NIBAN1: variants seen among roughly 807,000 people sequenced by gnomAD.
NIBAN1 encodes protein Niban 1.
NIBAN1 carries 81 observed loss-of-function variants against 75.1 expected under a neutral mutation model. The ratio of observed to expected loss-of-function variants is 1.08; its 90% CI spans 0.90 to 1.30. The LOEUF is 1.30. Ranked by LOEUF, NIBAN1 falls within the 50% of genes most tolerant of loss-of-function variation. The probability of loss-of-function intolerance (pLI) is 0.00; values close to 1 mark genes in which losing one functional copy is unlikely to be tolerated. For missense variants in NIBAN1, 1,133 were observed against 1,128.1 expected (o/e 1.00, Z -0.06); for synonymous variants, 436 against 424.8 (o/e 1.03, Z -0.32).
In NIBAN1 at chr1:184,890,192, G is replaced by A. The variant is rs1469963021; in HGVS notation, c.349C>T (p.Arg117Ter). The change falls in exon 4 of 14, where the codon CGA becomes TGA. Residue 117 changes from arginine to a stop codon, truncating the protein, a stop_gained. Transcript: ENST00000367511. LOFTEE classifies it high-confidence loss of function. ...AYQRGAAPKC[R>*]ILPAGGKVLT... ...ACCTTGCCACCGGCTGGAAGAATTCGACATTTAGGAGCAGCTCCTCTCTGA... is the reference window on the plus strand; with the variant it reads ...ACCTTGCCACCGGCTGGAAGAATTCAACATTTAGGAGCAGCTCCTCTCTGA... 11 of 1,613,834 alleles carry A rather than the reference G, an allele frequency of 6.8e-6. No individual in the cohort carries two copies. Among genetic ancestry groups the A allele is most frequent in the South Asian group, 1.1e-5 (1 of 91,066 alleles).
chr1:184,798,527 T>C (rs1653940930), intron 12 of NIBAN1, among the ~76,000 whole-genome samples: 1 of 152,192 alleles, frequency 6.6e-6, no homozygotes, highest in Admixed American at 6.5e-5. Context: ...GTGATTTTTT[T>C]TTATCATCTC....
At chr1:184,888,547 GA>G (rs1656590085) in intron 4 of NIBAN1, among the ~76,000 whole-genome samples, 1 of 152,132 alleles carries the variant, frequency 6.6e-6, no homozygotes. Context: ...TATCACAACT[GA>G]TCTACTGTAG....
chr1:184,866,909 G>A (rs1315041477), intron 5 of NIBAN1, among the ~76,000 whole-genome samples: 4 of 152,170 alleles, frequency 2.6e-5, no homozygotes, highest in Admixed American at 6.5e-5. Context: ...ATGAAAGAAA[G>A]AGTGGAAGTT....
chr1:184,873,226 A>G (rs1656154856), intron 5 of NIBAN1, among the ~76,000 whole-genome samples: 1 of 152,262 alleles, frequency 6.6e-6, no homozygotes, highest in Non-Finnish European at 1.5e-5. Context: ...TCTTTTGAAC[A>G]AACTTAAAGA....
chr1:184,885,842 A>G (rs1656511104), intron 4 of NIBAN1, among the ~76,000 whole-genome samples: 1 of 152,126 alleles, frequency 6.6e-6, no homozygotes, highest in East Asian at 1.9e-4. Flanking sequence ...TTTTGAAAAC[A>G]TTATCTCCCC....
At chr1:184,829,462 T>A in intron 6 of NIBAN1, among the ~76,000 whole-genome samples, 1 of 136,080 alleles carries the variant, frequency 7.3e-6, no homozygotes, top group Non-Finnish European at 1.6e-5. Flanking sequence ...AATACATATA[T>A]TCTTTTTTTT....
At chr1:184,859,972 C>A (rs1021015311) in intron 5 of NIBAN1, among the ~76,000 whole-genome samples, 52 of 152,104 alleles carry the variant, frequency 3.4e-4, no homozygotes, top group Non-Finnish European at 4.4e-5. Flanking sequence ...GAAAGTGGAA[C>A]CAAAGCCAGA....
Position 184,793,598 on chromosome 1 carries a change from C to G in NIBAN1, c.*1379G>C, listed in dbSNP as rs1653754374. 6.6e-6 allele frequency: 1 copy of G among 151,818 alleles called. No individual in the cohort carries two copies. The highest frequency in any genetic ancestry group is 1.5e-5 in the Non-Finnish European group (1 of 67,934). The allele number at this position is 151,818 out of a possible 1,614,324, so 9.4% of individuals were successfully genotyped here. Reference sequence around the variant, plus strand: ...TAAAATAAAAAGTCGGGGAGGGAAACCACGATGTAATACTTGGGACTGGAG... The same window carrying G: ...TAAAATAAAAAGTCGGGGAGGGAAAGCACGATGTAATACTTGGGACTGGAG... On this transcript the variant is annotated 3_prime_UTR_variant, in exon 14 of 14. Coordinates refer to ENST00000367511, the MANE Select transcript of NIBAN1 (RefSeq NM_052966.4).
chr1:184,931,148 C>T (rs1193133871), intron 1 of NIBAN1, among the ~76,000 whole-genome samples: 2 of 151,916 alleles, frequency 1.3e-5, no homozygotes, highest in African/African-American at 2.4e-5. Flanking sequence ...TACTGGCACC[C>T]ACTACCCTAC....
At chr1:184,916,206 T>C (rs546199272) in intron 1 of NIBAN1, among the ~76,000 whole-genome samples, 2 of 152,236 alleles carry the variant, frequency 1.3e-5, no homozygotes, top group African/African-American at 4.8e-5. Context: ...CTTCACATCA[T>C]TGAAGCTGAT....
chr1:184,796,766 C>A (rs970998292), intron 13 of NIBAN1, among the ~76,000 whole-genome samples: 4 of 152,226 alleles, frequency 2.6e-5, no homozygotes, highest in African/African-American at 9.6e-5. Flanking sequence ...AAAGACAGAA[C>A]AGATTTGTGT....
chr1:184,964,001 T>C (rs893591522), intron 1 of NIBAN1, among the ~76,000 whole-genome samples: 1 of 151,264 alleles, frequency 6.6e-6, no homozygotes, highest in Non-Finnish European at 1.5e-5. Flanking sequence ...CAATAATAAC[T>C]AAATCGGTGT....
chr1:184,806,906 T>C (rs1363553945), intron 10 of NIBAN1, among the ~76,000 whole-genome samples: 1 of 151,886 alleles, frequency 6.6e-6, no homozygotes, highest in East Asian at 1.9e-4. Flanking sequence ...TAGCTGGGAC[T>C]ACAGGTGTGC....
At position 184,969,625 on chromosome 1, in the gene NIBAN1, C is replaced by T. The variant is rs551189475; in HGVS notation, c.55+4677G>A. Among the ~76,000 whole-genome samples the T allele has an allele frequency of 4.3e-4, 66 of 152,188 alleles. 1 individual carries two copies. The highest frequency in any genetic ancestry group is 7.8e-4 in the Non-Finnish European group (53 of 68,014). Reference sequence around the variant, plus strand: ...ACAACAGGTACAGACCAATCAGCAGCCACCTTTCAGGGACCTTAAATGGGG... The same window carrying T: ...ACAACAGGTACAGACCAATCAGCAGTCACCTTTCAGGGACCTTAAATGGGG... On this transcript the variant is annotated intron_variant, in intron 1 of 13. Transcript: ENST00000367511.
intron 5 of NIBAN1, among the ~76,000 whole-genome samples, chr1:184,882,655 C>T (rs1309210936): frequency 6.6e-6 from 1 of 152,092 alleles, no homozygotes; most frequent in South Asian, 2.1e-4. Flanking sequence ...TAAATGCAGG[C>T]TACATAACAT....
chr1:184,893,381 T>C (rs1324984328), intron 3 of NIBAN1, among the ~76,000 whole-genome samples: 1 of 152,072 alleles, frequency 6.6e-6, no homozygotes, highest in Non-Finnish European at 1.5e-5. Flanking sequence ...ACTACCTTCC[T>C]ACATAAGGAA....
At chr1:184,857,675 T>G in intron 5 of NIBAN1, among the ~76,000 whole-genome samples, 1 of 152,164 alleles carries the variant, frequency 6.6e-6, no homozygotes, top group East Asian at 1.9e-4. Context: ...AACATGAGAA[T>G]AAACAAATAG....
At chr1:184,844,752 G>A (rs1275966100) in intron 5 of NIBAN1, among the ~76,000 whole-genome samples, 2 of 152,104 alleles carry the variant, frequency 1.3e-5, no homozygotes, top group Non-Finnish European at 2.9e-5. Context: ...TTCATTATTC[G>A]TAACCTTTTT....
At chr1:184,939,195 C>T (rs1429939619) in intron 1 of NIBAN1, among the ~76,000 whole-genome samples, 1 of 152,178 alleles carries the variant, frequency 6.6e-6, no homozygotes, top group Non-Finnish European at 1.5e-5. Context: ...TGAGATACAG[C>T]ATATTTAGTA....
Sources: gnomAD v4.1 joint callset for allele counts (sites outside exome capture counted in the v4.1 genomes callset) on GRCh38, gnomAD v4.1.1 for gene constraint, MANE v1.5 for transcripts, NCBI Gene and HGNC (gene_info 2026-07-23, HGNC 2026-07-21) for gene names.